The following GNG4 variants were observed in gnomAD, a reference collection of about 807,000 sequenced individuals.
The protein encoded by GNG4 is guanine nucleotide-binding protein G(I)/G(S)/G(O) subunit gamma-4.
GNG4 carries 4 observed loss-of-function variants against 5.8 expected under a neutral mutation model. The observed-to-expected ratio is 0.69, with a 90% CI of 0.34 to 1.57. GNG4 has a LOEUF of 1.57. Among genes scored for constraint, GNG4 ranks in the 40% most tolerant of loss-of-function variants. GNG4 has a pLI of 0.06. For synonymous variants in GNG4, 29 were observed against 32.9 expected (o/e 0.88, Z 0.41); for missense variants, 96 against 95.1 (o/e 1.01, Z -0.04).
chr1:235,577,650 A>G (rs905968235), intron 3 of GNG4, among the ~76,000 whole-genome samples: 6 of 144,252 alleles, frequency 4.2e-5, no homozygotes, highest in Non-Finnish European at 7.5e-5. Flanking sequence ...TATGTTGGTC[A>G]GGCTGGTCTC....
intron 1 of GNG4, among the ~76,000 whole-genome samples, chr1:235,603,649 T>G (rs1688300587): frequency 6.6e-6 from 1 of 152,196 alleles, no homozygotes; most frequent in African/African-American, 2.4e-5. Context: ...TCAACTTACA[T>G]CTTGAGTGCC....
chr1:235,574,208 T>C (rs565325563), intron 3 of GNG4, among the ~76,000 whole-genome samples: 5 of 152,090 alleles, frequency 3.3e-5, no homozygotes, highest in Non-Finnish European at 5.9e-5. Flanking sequence ...CCGTCTCTAC[T>C]AGAAATACAA....
intron 3 of GNG4, among the ~76,000 whole-genome samples, chr1:235,577,152 G>A (rs182175594): frequency 6.6e-6 from 1 of 152,214 alleles, no homozygotes; most frequent in Admixed American, 6.5e-5. Context: ...CCTGGTGGTG[G>A]GCCCTATGGT....
At chr1:235,610,497 A>G (rs2102968502) in intron 1 of GNG4, among the ~76,000 whole-genome samples, 1 of 152,300 alleles carries the variant, frequency 6.6e-6, no homozygotes, top group South Asian at 2.1e-4. Flanking sequence ...ATATTCAATT[A>G]TTGGCTGCTA....
intron 2 of GNG4, among the ~76,000 whole-genome samples, chr1:235,585,133 C>T (rs1177812781): frequency 2.0e-5 from 3 of 151,792 alleles, no homozygotes; most frequent in Non-Finnish European, 4.4e-5. Flanking sequence ...TCCTTCCCTT[C>T]CTCCCTCCCT....
intron 1 of GNG4, among the ~76,000 whole-genome samples, chr1:235,643,127 A>G (rs1657386284): frequency 6.6e-6 from 1 of 152,174 alleles, no homozygotes; most frequent in Non-Finnish European, 1.5e-5. Flanking sequence ...TCACAGCCAG[A>G]CGGCCAAGGT....
intron 3 of GNG4, among the ~76,000 whole-genome samples, chr1:235,553,049 G>A (rs543819260): frequency 2.1e-4 from 24 of 112,824 alleles, no homozygotes; most frequent in Admixed American, 6.6e-4. Flanking sequence ...ATGAGCCACC[G>A]TGCCCAGCCA....
At chr1:235,633,767 G>A (rs1298454604) in intron 1 of GNG4, among the ~76,000 whole-genome samples, 2 of 152,160 alleles carry the variant, frequency 1.3e-5, no homozygotes, top group Non-Finnish European at 2.9e-5. Context: ...GGGATTATAG[G>A]CATAAGCCAC....
intron 2 of GNG4, among the ~76,000 whole-genome samples, chr1:235,586,509 GT>G (rs1687763214): frequency 6.6e-6 from 1 of 152,152 alleles, no homozygotes; most frequent in Non-Finnish European, 1.5e-5. Flanking sequence ...TGATTTGGAT[GT>G]TTGTTCCCTC....
chr1:235,643,195 G>A lies in GNG4; in HGVS notation c.-123+6467C>T, dbSNP rs146014885. On this transcript the variant is annotated intron_variant, in intron 1 of 3. Transcript: ENST00000391854. ...TGGCCCTGGATTCCCCATTCTTCAC[G>A]GTCAGTCTCACCTTCACACCCCGGC... is the stretch of plus-strand genomic sequence containing the variant. 6.5e-4 allele frequency among the ~76,000 whole-genome samples: 99 copies of A among 152,196 alleles called. 1 individual carries two copies. The highest frequency in any genetic ancestry group is 2.1e-3 in the African/African-American group (88 of 41,532).
In GNG4 at chr1:235,551,926, T is replaced by G; in HGVS notation, c.*183A>C. On this transcript the variant is annotated 3_prime_UTR_variant, in exon 4 of 4. Transcript: ENST00000391854. ...GCCAATAATGAAAATAACATGAAAA[T>G]GAAAAGGAAAAAAATGAAATTGAAT... The G allele has an allele frequency of 1.9e-6, 1 of 521,808 alleles. No homozygotes were observed. The highest frequency in any genetic ancestry group is 2.8e-5 in the South Asian group (1 of 35,358). The allele number at this position is 521,808 out of a possible 1,614,324, so 32.3% of individuals were successfully genotyped here.
chr1:235,640,121 G>A (rs1657278792), intron 1 of GNG4, among the ~76,000 whole-genome samples: 1 of 152,140 alleles, frequency 6.6e-6, no homozygotes. Context: ...ACCCCAGGCA[G>A]AAGAGGACAG....
chr1:235,611,466 G>A lies in GNG4; in HGVS notation c.-122-15955C>T, dbSNP rs185552457. On this transcript the variant is annotated intron_variant, in intron 1 of 3. Transcript: ENST00000391854. Reference sequence around the variant, plus strand: ...TGGGATTATACATGTGGGCCATTGCGTCCTCCCTGGACCGAGATTCTTGAA... The same window carrying A: ...TGGGATTATACATGTGGGCCATTGCATCCTCCCTGGACCGAGATTCTTGAA... Among the ~76,000 whole-genome samples, 354 of 152,194 alleles carry A rather than the reference G, an allele frequency of 2.3e-3. 2 individuals are homozygous for A. Among genetic ancestry groups the A allele is most frequent in the African/African-American group, 8.2e-3 (340 of 41,528 alleles).
intron 1 of GNG4, among the ~76,000 whole-genome samples, chr1:235,608,944 A>G (rs1047024003): frequency 1.2e-4 from 19 of 152,158 alleles, no homozygotes; most frequent in African/African-American, 3.1e-4. Context: ...TCGGCCTCCT[A>G]AAGTGCTGGG....
intron 2 of GNG4, among the ~76,000 whole-genome samples, chr1:235,587,469 TGAGTGTGAGAGTGTGGATGGGGGGTG>T (rs1687815949): frequency 1.4e-3 from 2 of 1,408 alleles, no homozygotes; most frequent in Admixed American, 9.3e-3. Flanking sequence ...GGGTGGGGGG[TGAGTGTGAGAGTGTGGATGGGGGGTG>T]GGGGTGTGTG....
chr1:235,596,144 A>T (rs1688116275), intron 1 of GNG4, among the ~76,000 whole-genome samples: 1 of 151,046 alleles, frequency 6.6e-6, no homozygotes, highest in Non-Finnish European at 1.5e-5. Flanking sequence ...ACTGCACTCC[A>T]GCCTGGGTGA....
At chr1:235,597,517 C>G (rs10926189) in intron 1 of GNG4, among the ~76,000 whole-genome samples, 2 of 146,050 alleles carry the variant, frequency 1.4e-5, no homozygotes, top group Non-Finnish European at 3.0e-5. Context: ...GACTCATGAT[C>G]TTGTAAAGAG....
chr1:235,614,858 C>G (rs898029619), intron 1 of GNG4: 1 of 152,328 alleles, frequency 6.6e-6, no homozygotes, highest in Non-Finnish European at 1.5e-5. Flanking sequence ...CTGGGAGCAG[C>G]CTCATCCTGC....
chr1:235,593,531 T>G (rs1406839598), intron 2 of GNG4, among the ~76,000 whole-genome samples: 3 of 152,194 alleles, frequency 2.0e-5, no homozygotes, highest in East Asian at 1.9e-4. Context: ...GGTCCGGAAT[T>G]GGTGGGTTCT....
Sources: allele counts gnomAD v4.1 joint callset (sites outside exome capture counted in the v4.1 genomes callset), GRCh38; gene constraint gnomAD v4.1.1; transcripts MANE v1.5; gene names NCBI Gene and HGNC (gene_info 2026-07-23, HGNC 2026-07-21).